The following ABCB1 variants were observed in gnomAD, a reference collection of about 807,000 sequenced individuals.
ABCB1 encodes the protein ATP-dependent translocase ABCB1.
In ABCB1, 69 loss-of-function variants were observed where a neutral mutation model predicts 142.0. The ratio of observed to expected loss-of-function variants is 0.49; its 90% confidence interval spans 0.40 to 0.59. The LOEUF is 0.59. Among genes scored for constraint, ABCB1 ranks in the 20% least tolerant of loss-of-function variants. The pLI is 0.00. For synonymous variants in ABCB1, 532 were observed against 539.2 expected (o/e 0.99, Z 0.18); for missense variants, 1,326 against 1,554.7 (o/e 0.85, Z 2.47).
intron 21 of ABCB1, among the ~76,000 whole-genome samples, chr7:87,524,701 G>A (rs142193622): frequency 1.1e-3 from 173 of 151,382 alleles, no homozygotes; most frequent in African/African-American, 3.5e-3. Flanking sequence ...TAACCTGCAC[G>A]TTGTGTACAT....
At chr7:87,706,992 T>C (rs867409692) in intron 1 of ABCB1, among the ~76,000 whole-genome samples, 1 of 152,158 alleles carries the variant, frequency 6.6e-6, no homozygotes, top group Non-Finnish European at 1.5e-5. Flanking sequence ...AGGTTTTTAC[T>C]TGAGACCCCT....
chr7:87,662,421 T>C (rs1824805496), intron 1 of ABCB1, among the ~76,000 whole-genome samples: 1 of 152,112 alleles, frequency 6.6e-6, no homozygotes, highest in African/African-American at 2.4e-5. Context: ...TTTGATTTGA[T>C]TTTTTGTATA....
At chr7:87,618,127 C>T (rs1389044063) in intron 1 of ABCB1, among the ~76,000 whole-genome samples, 6 of 152,134 alleles carry the variant, frequency 3.9e-5, no homozygotes, top group South Asian at 2.1e-4. Context: ...TGTCTAATTC[C>T]GGGGGCCCTG....
rs112264516 is a variant in ABCB1 at position 87,624,780 on chromosome 7, A to T, written c.-330-23702T>A. 4.3e-3 allele frequency among the ~76,000 whole-genome samples: 650 copies of T among 152,336 alleles called. 3 individuals carry two copies. Among genetic ancestry groups the T allele is most frequent in the Non-Finnish European group, 5.7e-3 (387 of 68,038 alleles). ...ATCTAGAGGGAGAAAGAGACCCAGG[A>T]CATACTACTTAGGATAAATGAGAAA... On this transcript the variant is annotated intron_variant, in intron 1 of 28. Transcript: ENST00000265724.
intron 2 of ABCB1, among the ~76,000 whole-genome samples, chr7:87,598,943 G>A (rs1819324957): frequency 6.6e-6 from 1 of 152,098 alleles, no homozygotes; most frequent in South Asian, 2.1e-4. Flanking sequence ...AGGGAGGAAT[G>A]GTATTTAGAA....
intron 9 of ABCB1, among the ~76,000 whole-genome samples, chr7:87,551,083 G>A: frequency 6.6e-6 from 1 of 152,288 alleles, no homozygotes; most frequent in African/African-American, 2.4e-5. Flanking sequence ...GTGCAGTGGT[G>A]CAATCATAGC....
chr7:87,571,182 A>G (rs902131741), intron 4 of ABCB1, among the ~76,000 whole-genome samples: 1 of 152,218 alleles, frequency 6.6e-6, no homozygotes, highest in African/African-American at 2.4e-5. Flanking sequence ...AACTATTTCT[A>G]GCAAAGTGAA....
chr7:87,634,431 G>A (rs1380894139), intron 1 of ABCB1, among the ~76,000 whole-genome samples: 4 of 145,166 alleles, frequency 2.8e-5, no homozygotes, highest in Non-Finnish European at 6.0e-5. Context: ...AGACCAGCCT[G>A]GCCAACATGG....
At chr7:87,589,203 T>G (rs1818885268) in intron 3 of ABCB1, among the ~76,000 whole-genome samples, 1 of 152,174 alleles carries the variant, frequency 6.6e-6, no homozygotes, top group African/African-American at 2.4e-5. Flanking sequence ...AAAAAAATCT[T>G]AATAACCTTG....
At chr7:87,657,345 G>A (rs1824209989) in intron 1 of ABCB1, among the ~76,000 whole-genome samples, 1 of 152,112 alleles carries the variant, frequency 6.6e-6, no homozygotes, top group Non-Finnish European at 1.5e-5. Context: ...AAGGACCAGA[G>A]AAAGAACAGC....
intron 1 of ABCB1, among the ~76,000 whole-genome samples, chr7:87,697,026 C>T (rs1828550866): frequency 6.6e-6 from 1 of 152,136 alleles, no homozygotes; most frequent in African/African-American, 2.4e-5. Context: ...TACTTTGAAA[C>T]ATCCTACAAG....
chr7:87,618,306 C>A (rs1443470901), intron 1 of ABCB1, among the ~76,000 whole-genome samples: 1 of 152,140 alleles, frequency 6.6e-6, no homozygotes, highest in Non-Finnish European at 1.5e-5. Flanking sequence ...TCTATGAGAG[C>A]AGGAATTTTT....
chr7:87,585,667 T>C lies in ABCB1; in HGVS notation c.131A>G (p.Asn44Ser), dbSNP rs1202183. ...CACCATATACAACTTGTCAAGCCAATTTGAATAGCGAAACTAAAAAGAGAG... is the reference window on the plus strand; with the variant it reads ...CACCATATACAACTTGTCAAGCCAACTTGAATAGCGAAACTAAAAAGAGAG... ...VSVFSMFRYSNWLDKLYMVVG... is the reference protein window; with the variant it reads ...VSVFSMFRYSSWLDKLYMVVG... The change falls in exon 4 of 28, where the codon AAT (asparagine) becomes AGT (serine). Residue 44 changes from asparagine to serine, a missense_variant. Asn to Ser is a conservative substitution (Grantham distance 46). Transcript: ENST00000622132. 1.2e-6 allele frequency: 2 copies of C among 1,613,646 alleles called. No homozygotes were observed. Among genetic ancestry groups the C allele is most frequent in the Non-Finnish European group, 1.7e-6 (2 of 1,179,848 alleles).
intron 23 of ABCB1, 56 bp from the exon 24 acceptor site, chr7:87,516,721 G>A: frequency 9.1e-7 from 1 of 1,103,618 alleles, no homozygotes; most frequent in African/African-American, 2.4e-5. Flanking sequence ...ATGCTAGAAA[G>A]CTGACACTCC....
At chr7:87,690,679 A>G (rs565540759) in intron 1 of ABCB1, among the ~76,000 whole-genome samples, 1 of 152,170 alleles carries the variant, frequency 6.6e-6, no homozygotes, top group Non-Finnish European at 1.5e-5. Flanking sequence ...CTATGTAAAT[A>G]CAAAGTGAAA....
At chr7:87,582,419 T>C (rs1818548123) in intron 4 of ABCB1, among the ~76,000 whole-genome samples, 1 of 152,200 alleles carries the variant, frequency 6.6e-6, no homozygotes, top group South Asian at 2.1e-4. Flanking sequence ...CGACTGTATT[T>C]ATTGGTTCAC....
intron 1 of ABCB1, among the ~76,000 whole-genome samples, chr7:87,698,603 T>C (rs1349600001): frequency 1.3e-5 from 2 of 152,248 alleles, no homozygotes; most frequent in Admixed American, 6.5e-5. Flanking sequence ...TTTGTGTTCA[T>C]TGCATTTAAG....
chr7:87,595,134 C>T (rs1176410018), intron 3 of ABCB1, among the ~76,000 whole-genome samples: 1 of 151,922 alleles, frequency 6.6e-6, no homozygotes, highest in Non-Finnish European at 1.5e-5. Context: ...ATGTCTGATT[C>T]CAAGTGTGAT....
chr7:87,637,200 C>CACTA (rs1260493765), intron 1 of ABCB1, among the ~76,000 whole-genome samples: 5 of 152,192 alleles, frequency 3.3e-5, no homozygotes, highest in Non-Finnish European at 7.3e-5. Context: ...ATACTTTCTC[C>CACTA]ACTACACTCA....
Sources: allele counts gnomAD v4.1 joint callset (sites outside exome capture counted in the v4.1 genomes callset), GRCh38; gene constraint gnomAD v4.1.1; transcripts MANE v1.5; gene names NCBI Gene and HGNC (gene_info 2026-07-23, HGNC 2026-07-21).